Variants in RBM10 observed in about 807,000 individuals in gnomAD.
The protein encoded by RBM10 is RNA-binding protein 10.
A neutral mutation model predicts 84.9 loss-of-function variants in RBM10; 1 was observed. The ratio of observed to expected loss-of-function variants is 0.01; its 90% CI spans 0.00 to 0.06. The LOEUF (loss-of-function observed/expected upper bound fraction) is 0.06. Ranked by LOEUF, RBM10 falls within the 10% of genes least tolerant of loss-of-function variation. The pLI, the probability that RBM10 is intolerant of heterozygous loss-of-function variation, is 1.00. For missense variants in RBM10, 438 were observed against 839.0 expected (o/e 0.52, Z 5.90); for synonymous variants, 326 against 344.5 (o/e 0.95, Z 0.60).
At chrX:47,162,869 C>G (rs1205433865) in intron 2 of RBM10, among the ~76,000 whole-genome samples, 1 of 93,603 alleles carries the variant, frequency 1.1e-5, no homozygotes, top group Non-Finnish European at 2.2e-5. Context: ...GACTCCATCT[C>G]AAAAAAAAAA....
intron 4 of RBM10, 45 bp downstream of exon 4, chrX:47,171,303 C>T: frequency 1.7e-6 from 2 of 1,197,704 alleles, no homozygotes; most frequent in Non-Finnish European, 2.2e-6. Flanking sequence ...GGCTGGGTCT[C>T]CTCCAGGGCC....
intron 21 of RBM10, 96 bp downstream of exon 21, chrX:47,185,886 C>T: frequency 8.5e-7 from 1 of 1,169,976 alleles, no homozygotes; most frequent in Non-Finnish European, 1.1e-6. Context: ...CGTGTTAACC[C>T]CGTGAGCCTT....
At chrX:47,179,234 T>A (rs1935356981) in intron 8 of RBM10, 71 bp downstream of exon 8, 1 of 1,190,453 alleles carries the variant, frequency 8.4e-7, no homozygotes, top group African/African-American at 1.7e-5. Context: ...GAGGGGTCTG[T>A]GCTCAGGGCT....
intron 7 of RBM10, among the ~76,000 whole-genome samples, chrX:47,177,893 A>AGGC (rs1398167911): frequency 1.8e-5 from 2 of 111,923 alleles, no homozygotes; most frequent in African/African-American, 6.5e-5. Context: ...CTGGGATTAC[A>AGGC]GGCGTGAGCC....
rs1556781718 is a variant in RBM10, at chrX:47,185,375, C to T, written c.2166+8C>T. On this transcript the variant is annotated splice_region_variant and intron_variant, in intron 19 of 23. Coordinates refer to ENST00000377604, the MANE Select transcript of RBM10 (RefSeq NM_005676.5). ...GCCAGTGACGACCGCCCAGTGAGTG[C>T]CCAAGGCAGAGAGGGGCGGGGGCTC... 6 of 1,195,383 alleles carry T rather than the reference C, an allele frequency of 5.0e-6. No individual in the cohort carries two copies. The highest frequency in any genetic ancestry group is 6.8e-6 in the Non-Finnish European group (6 of 887,028).
Position 47,186,563 on chromosome X carries a change from C to T in RBM10, c.2757C>T (p.His919=), listed in dbSNP as rs1556782913. ...TSTESYKETL[H]KTMVTRFNEA... is the part of the protein sequence containing the mutation. ...CCGAGTCCTACAAGGAGACACTGCA[C>T]AAGACAATGGTGACCCGCTTCAACG... The change falls in exon 24 of 24, where the codon CAC becomes CAT. Residue 919 remains histidine, a synonymous_variant. Coordinates refer to ENST00000377604, the MANE Select transcript of RBM10 (RefSeq NM_005676.5). 3 of 1,211,875 alleles carry T rather than the reference C, an allele frequency of 2.5e-6. No individual in the cohort carries two copies. The highest frequency in any genetic ancestry group is 3.4e-6 in the Non-Finnish European group (3 of 895,456).
chrX:47,167,065 G>A (rs782138875), intron 2 of RBM10, among the ~76,000 whole-genome samples: 6 of 110,668 alleles, frequency 5.4e-5, no homozygotes, highest in East Asian at 2.8e-4. Flanking sequence ...GTGAGCCACC[G>A]CGCCCGGCAA....
chrX:47,162,668 G>A (rs1274061353), intron 2 of RBM10, among the ~76,000 whole-genome samples: 1 of 109,912 alleles, frequency 9.1e-6, no homozygotes, highest in African/African-American at 3.3e-5. Context: ...GAAGTCAGGA[G>A]ATCGAGACCA....
intron 2 of RBM10, among the ~76,000 whole-genome samples, chrX:47,163,859 ATTTTTTTTTTTTTTTTTT>A (rs35919377): frequency 2.5e-5 from 1 of 40,123 alleles, no homozygotes; most frequent in African/African-American, 1.6e-4. Context: ...CGCCTGGCTA[ATTTTTTTTTTTTTTTTTT>A]TTTTTTTTTG....
chrX:47,168,408 C>T (rs901447277), intron 2 of RBM10, among the ~76,000 whole-genome samples: 1 of 110,567 alleles, frequency 9.0e-6, no homozygotes, highest in Non-Finnish European at 1.9e-5. Context: ...ATGAGCTGGG[C>T]GTGGTGGTGC....
chrX:47,155,793 T>A (rs1203661401), intron 2 of RBM10, among the ~76,000 whole-genome samples: 1 of 106,595 alleles, frequency 9.4e-6, no homozygotes, highest in Non-Finnish European at 1.9e-5. Flanking sequence ...ACTAGATTCT[T>A]TTTTTTTCTT....
chrX:47,171,312 C>T, intron 4 of RBM10, 54 bp downstream of exon 4: 1 of 1,191,208 alleles, frequency 8.4e-7, no homozygotes, highest in Non-Finnish European at 1.1e-6. Flanking sequence ...TCCTCCAGGG[C>T]CCTCAACTTC....
chrX:47,181,584 C>T lies in RBM10; in HGVS notation c.1513C>T (p.Pro505Ser), dbSNP rs1556779506. The T allele has an allele frequency of 3.3e-6, 4 of 1,209,401 alleles. No individual in the cohort carries two copies. The highest frequency in any genetic ancestry group is 3.4e-6 in the Non-Finnish European group (3 of 894,591). ...AFSRAQPGAA[P>S]GIYQQSAEAS... is the part of the protein sequence containing the mutation. ...CTCTCGCGCCCAGCCTGGTGCTGCT[C>T]CTGGCATCTACCAACAATCAGCCGA... Residue 505 changes from proline (P) to serine (S), a missense_variant, in exon 14 of 24, where the codon CCT (proline) becomes TCT (serine). By Grantham distance (74) the Pro-to-Ser change is moderately conservative. Around this residue, in one of 8 missense-constraint regions of RBM10, gnomAD observed 97 missense variants for 110.3 expected, o/e 0.88. Coordinates refer to ENST00000377604, the MANE Select transcript of RBM10 (RefSeq NM_005676.5).
rs1556769032 is a variant in RBM10 at position 47,166,436 on chromosome X, T to C, written c.18-2879T>C. Among the ~76,000 whole-genome samples, 3 of 111,308 alleles carry C rather than the reference T, an allele frequency of 2.7e-5. No individual in the cohort carries two copies. In the Admixed American group the frequency reaches 2.9e-4, roughly 11 times the overall value. Reference sequence around the variant, plus strand: ...ATAAAATTTATTTTGAAACAGTCTATCCAATGTAGTTTTAATTCTCATCTT... The same window carrying C: ...ATAAAATTTATTTTGAAACAGTCTACCCAATGTAGTTTTAATTCTCATCTT... On this transcript the variant is annotated intron_variant, in intron 2 of 23. Transcript: ENST00000377604.
chrX:47,185,734 C>A lies in RBM10; in HGVS notation c.2374C>A (p.Arg792=), dbSNP rs1556782131. The change falls in exon 21 of 24, where the codon CGG becomes AGG. Residue 792 remains arginine (R), a synonymous_variant. Transcript: ENST00000377604. ...CTTGCAGCAAAACCTTGAGATTCAC[C>A]GGCGAGCCCACTTGTCAGAAAACGA... ...GLHKQNLEIH[R]RAHLSENELE... is the part of the protein sequence containing the mutation. 2 of 1,210,119 alleles carry A rather than the reference C, an allele frequency of 1.7e-6. No individual in the cohort carries two copies.
At chrX:47,163,563 G>A (rs782309437) in intron 2 of RBM10, among the ~76,000 whole-genome samples, 35 of 111,829 alleles carry the variant, frequency 3.1e-4, no homozygotes, top group Admixed American at 3.8e-4. Context: ...CATGTGATCC[G>A]CCCGTCTTGG....
At chrX:47,164,388 A>G (rs969061394) in intron 2 of RBM10, among the ~76,000 whole-genome samples, 2 of 110,009 alleles carry the variant, frequency 1.8e-5, no homozygotes, top group African/African-American at 6.6e-5. Context: ...AAAATACAAA[A>G]CATCAGCCAG....
chrX:47,181,155 T>TTA, intron 12 of RBM10, 60 bp from the exon 13 acceptor site: 1 of 131,791 alleles, frequency 7.6e-6, no homozygotes, highest in Non-Finnish European at 1.5e-5. Flanking sequence ...TCTAGCAGGT[T>TTA]CCCCACCCCC....
At position 47,186,356 on chromosome X, in the gene RBM10, G is replaced by A. The variant is rs782214369; in HGVS notation, c.2636G>A (p.Arg879His). 34 of 1,196,727 alleles carry A rather than the reference G, an allele frequency of 2.8e-5. No homozygotes were observed. Among genetic ancestry groups the A allele is most frequent in the Non-Finnish European group, 3.6e-5 (32 of 887,472 alleles). Residue 879 changes from arginine to histidine, a missense_variant, in exon 23 of 24, where the codon CGC (arginine) becomes CAC (histidine). Physicochemically the swap from Arg to His is conservative, Grantham distance 29 (BLOSUM62 0). Coordinates refer to ENST00000377604, the MANE Select transcript of RBM10 (RefSeq NM_005676.5). ...MGWKEGSGLGRKKQGIVTPIE... is the reference protein window; with the variant it reads ...MGWKEGSGLGHKKQGIVTPIE... ...TGGAAAGAGGGCAGCGGCCTGGGCC[G>A]CAAGAAGCAGGGCATTGTAACGCCT...
Sources: gnomAD v4.1 joint callset for allele counts (sites outside exome capture counted in the v4.1 genomes callset) on GRCh38, gnomAD v4.1.1 for gene constraint, gnomAD v4.1.1 regional missense constraint, MANE v1.5 for transcripts, NCBI Gene and HGNC (gene_info 2026-07-23, HGNC 2026-07-21) for gene names.